KDM4B: variants seen among roughly 807,000 people sequenced by gnomAD.
The protein encoded by KDM4B is lysine-specific demethylase 4B.
A neutral mutation model predicts 125.2 loss-of-function variants in KDM4B; 32 were observed. That is an observed-to-expected ratio of 0.26 (90% CI 0.19 to 0.34). The LOEUF (loss-of-function observed/expected upper bound fraction) is 0.34. Ranked by LOEUF, KDM4B falls within the 10% of genes least tolerant of loss-of-function variation. KDM4B has a pLI of 1.00. For synonymous variants in KDM4B, 721 were observed against 677.9 expected (o/e 1.06, Z -0.99); for missense variants, 1,190 against 1,577.7 (o/e 0.75, Z 4.16).
chr19:5,093,436 A>G (rs1350240169), intron 9 of KDM4B, among the ~76,000 whole-genome samples: 1 of 152,176 alleles, frequency 6.6e-6, no homozygotes, highest in Non-Finnish European at 1.5e-5. Flanking sequence ...CCCGCAGCCG[A>G]AGCCCAGGGA....
intron 9 of KDM4B, among the ~76,000 whole-genome samples, chr19:5,100,782 G>T (rs2038915870): frequency 6.6e-6 from 1 of 152,120 alleles, no homozygotes; most frequent in Admixed American, 6.5e-5. Context: ...CCTGTCTATT[G>T]ATGTGTTTTT....
intron 2 of KDM4B, among the ~76,000 whole-genome samples, chr19:5,022,120 G>A (rs2036141441): frequency 6.6e-6 from 1 of 152,326 alleles, no homozygotes; most frequent in East Asian, 1.9e-4. Context: ...AGAGTCAAGT[G>A]GCCCGGAGGT....
intron 21 of KDM4B, among the ~76,000 whole-genome samples, chr19:5,149,431 G>T (rs536832819): frequency 5.3e-5 from 8 of 152,272 alleles, no homozygotes; most frequent in African/African-American, 1.9e-4. Flanking sequence ...CAGCCTCCTG[G>T]GTAGCTGGGA....
chr19:5,119,530 C>T (rs1366730901), intron 10 of KDM4B, 123 bp from the exon 11 acceptor site: 2 of 969,858 alleles, frequency 2.1e-6, no homozygotes, highest in Non-Finnish European at 3.2e-6. Flanking sequence ...GCCAGGAGGC[C>T]CCCTGCTCAT....
At chr19:5,105,193 C>A (rs2039011525) in intron 9 of KDM4B, among the ~76,000 whole-genome samples, 1 of 152,236 alleles carries the variant, frequency 6.6e-6, no homozygotes, top group Non-Finnish European at 1.5e-5. Context: ...CCAGGACTCT[C>A]CATGCCTGGA....
intron 2 of KDM4B, among the ~76,000 whole-genome samples, chr19:5,021,987 T>C (rs761778022): frequency 6.6e-6 from 1 of 152,120 alleles, no homozygotes; most frequent in African/African-American, 2.4e-5. Context: ...TCTGTCTGCT[T>C]TCCGTAGGCC....
At chr19:5,000,587 A>G (rs1053764593) in intron 1 of KDM4B, among the ~76,000 whole-genome samples, 3 of 152,138 alleles carry the variant, frequency 2.0e-5, no homozygotes, top group African/African-American at 4.8e-5. Flanking sequence ...ACTGCCTACC[A>G]TAAAAGCATC....
At chr19:4,979,652 GA>G (rs1302005458) in intron 1 of KDM4B, among the ~76,000 whole-genome samples, 1 of 152,222 alleles carries the variant, frequency 6.6e-6, no homozygotes, top group Non-Finnish European at 1.5e-5. Flanking sequence ...TGTCACCAGG[GA>G]GGGCCACCTC....
chr19:5,065,382 G>A (rs554914125), intron 6 of KDM4B, among the ~76,000 whole-genome samples: 2 of 152,342 alleles, frequency 1.3e-5, no homozygotes, highest in South Asian at 2.1e-4. Flanking sequence ...TAACTCAAAG[G>A]CATTTGCTTA....
intron 8 of KDM4B, chr19:5,077,735 C>A (rs1054434995): frequency 5.1e-5 from 23 of 453,834 alleles, no homozygotes; most frequent in Admixed American, 2.0e-4. Flanking sequence ...GTGTGGCCAT[C>A]AGAGGCCCCT....
At chr19:5,030,107 T>C (rs2036405012) in intron 2 of KDM4B, among the ~76,000 whole-genome samples, 1 of 152,108 alleles carries the variant, frequency 6.6e-6, no homozygotes, top group African/African-American at 2.4e-5. Context: ...CTTTTTATTA[T>C]TTATTTATTT....
At chr19:5,033,394 A>G (rs940787032) in intron 3 of KDM4B, among the ~76,000 whole-genome samples, 2 of 151,948 alleles carry the variant, frequency 1.3e-5, no homozygotes, top group African/African-American at 4.8e-5. Flanking sequence ...TTCAGTGCCC[A>G]GGAAGGCCTT....
chr19:5,130,581 T>C (rs2039524153), intron 11 of KDM4B, among the ~76,000 whole-genome samples: 1 of 152,248 alleles, frequency 6.6e-6, no homozygotes, highest in South Asian at 2.1e-4. Flanking sequence ...GGTTTTACTT[T>C]CGTCAAAAGC....
At chr19:4,969,295 G>C (rs2034158497) in intron 1 of KDM4B, 65 bp downstream of exon 1, 1 of 146,500 alleles carries the variant, frequency 6.8e-6, no homozygotes, top group African/African-American at 2.4e-5. Flanking sequence ...GGCCGCCCCC[G>C]CGTCGCGGCT....
intron 1 of KDM4B, among the ~76,000 whole-genome samples, chr19:4,973,567 C>T (rs1204322814): frequency 1.3e-5 from 2 of 152,102 alleles, no homozygotes; most frequent in Non-Finnish European, 2.9e-5. Flanking sequence ...TGTATCTTCC[C>T]AAATACTGAG....
chr19:5,096,686 C>T lies in KDM4B; in HGVS notation c.919-13936C>T, dbSNP rs188098807. Among the ~76,000 whole-genome samples the T allele has an allele frequency of 4.3e-4, 61 of 143,274 alleles. No individual in the cohort carries two copies. The East Asian group carries it at 8.9e-3, about 21-fold the overall frequency. The allele number at this position is 143,274 out of a possible 152,430, so 94.0% of individuals were successfully genotyped here. On this transcript the variant is annotated intron_variant, in intron 9 of 22. Coordinates refer to ENST00000159111, the MANE Select transcript of KDM4B (RefSeq NM_015015.3). ...AGGAAGTGTCCCGCGGTGCCCCCGG[C>T]GGTGTCGGTGGCGCGTGTTGCCATG...
chr19:5,137,136 G>A (rs1052598890), intron 15 of KDM4B, 126 bp from the exon 16 acceptor site: 6 of 661,330 alleles, frequency 9.1e-6, no homozygotes, highest in East Asian at 2.7e-5. Context: ...AGCTGCGTGC[G>A]GAGGCCTCGT....
At chr19:5,019,935 GGTGTGCAGGTGTTAGTGTGCAGGTGTTA>G (rs1233068063) in intron 2 of KDM4B, among the ~76,000 whole-genome samples, 3 of 136,684 alleles carry the variant, frequency 2.2e-5, no homozygotes, top group Admixed American at 7.5e-5. Context: ...TGTGGGTGTT[GGTGTGCAGGTGTTAGTGTGCAGGTGTTA>G]GTGTGCAGGT....
Position 5,100,053 on chromosome 19 carries a change from T to C in KDM4B, c.919-10569T>C, listed in dbSNP as rs191741430. On this transcript the variant is annotated intron_variant, in intron 9 of 22. Coordinates refer to ENST00000159111, the MANE Select transcript of KDM4B (RefSeq NM_015015.3). ...GCACCCATCCGTGGTTCTCATTCAG[T>C]GCTGCTGGCACAAAGATGCTCCTCT... 5.7e-3 allele frequency among the ~76,000 whole-genome samples: 865 copies of C among 152,374 alleles called. 8 individuals carry two copies. The highest frequency in any genetic ancestry group is 0.02 in the African/African-American group (812 of 41,594).
Sources: allele counts gnomAD v4.1 joint callset (sites outside exome capture counted in the v4.1 genomes callset), GRCh38; gene constraint gnomAD v4.1.1; transcripts MANE v1.5; gene names NCBI Gene and HGNC (gene_info 2026-07-23, HGNC 2026-07-21).